LCP1: variants seen among roughly 807,000 people sequenced by gnomAD.
LCP1 encodes lymphocyte cytosolic protein 1.
A neutral mutation model predicts 72.0 loss-of-function variants in LCP1; 23 were observed. That is an observed-to-expected ratio of 0.32 (90% CI 0.23 to 0.45). The LOEUF (loss-of-function observed/expected upper bound fraction) is 0.45, where lower values mean the gene tolerates loss of function less well. Ranked by LOEUF, LCP1 falls within the 20% of genes least tolerant of loss-of-function variation. The probability of loss-of-function intolerance (pLI) is 1.00; values close to 1 mark genes in which losing one functional copy is unlikely to be tolerated. For synonymous variants in LCP1, 245 were observed against 275.4 expected (o/e 0.89, Z 1.09); for missense variants, 571 against 748.3 (o/e 0.76, Z 2.76).
chr13:46,148,652 C>T (rs371118133), intron 8 of LCP1: 34 of 506,882 alleles, frequency 6.7e-5, no homozygotes, highest in Middle Eastern at 1.2e-3. Context: ...TTAAAAGGAG[C>T]GTAACAATAA....
At chr13:46,142,495 A>G in intron 12 of LCP1, 70 bp from the exon 13 acceptor site, 1 of 1,488,284 alleles carries the variant, frequency 6.7e-7, no homozygotes, top group South Asian at 1.2e-5. Context: ...ATAAATAATA[A>G]AAATAAAGAT....
At chr13:46,133,875 T>G (rs1218975654) in intron 14 of LCP1, among the ~76,000 whole-genome samples, 3 of 152,032 alleles carry the variant, frequency 2.0e-5, no homozygotes, top group Non-Finnish European at 4.4e-5. Flanking sequence ...ATGTACCCCC[T>G]AAATCCAAAA....
At chr13:46,173,989 T>A (rs1311803179) in intron 1 of LCP1, among the ~76,000 whole-genome samples, 1 of 152,240 alleles carries the variant, frequency 6.6e-6, no homozygotes, top group Non-Finnish European at 1.5e-5. Flanking sequence ...CTCTGTCAGA[T>A]GCACCAATGC....
intron 1 of LCP1, among the ~76,000 whole-genome samples, chr13:46,163,630 A>G (rs1276937004): frequency 7.1e-6 from 1 of 141,568 alleles, no homozygotes; most frequent in Non-Finnish European, 1.5e-5. Context: ...AAGAATGATC[A>G]ATTAAAAAAA....
At chr13:46,179,390 C>A (rs1163567152) in intron 1 of LCP1, among the ~76,000 whole-genome samples, 1 of 152,126 alleles carries the variant, frequency 6.6e-6, no homozygotes, top group East Asian at 1.9e-4. Context: ...ATACTTGTGA[C>A]AAATTTTCAA....
rs116376490 is a variant in LCP1, at chr13:46,147,926, C to T, written c.978+426G>A. On this transcript the variant is annotated intron_variant, in intron 9 of 15. Transcript: ENST00000323076. The stretch of plus-strand genomic sequence containing the variant: ...TGTCATTTACTTTTACTCTACTTCT[C>T]ATTAGGAATCAGTTGACTTCAACAT... Among the ~76,000 whole-genome samples, 782 of 152,232 alleles carry T rather than the reference C, an allele frequency of 5.1e-3. 8 individuals carry two copies. The highest frequency in any genetic ancestry group is 0.017 in the African/African-American group (720 of 41,532).
chr13:46,141,398 T>A (rs1257164071), intron 13 of LCP1, among the ~76,000 whole-genome samples: 4 of 114,582 alleles, frequency 3.5e-5, no homozygotes, highest in Admixed American at 9.6e-5. Flanking sequence ...AGAGCAAGAC[T>A]CTGTCTCAAA....
At chr13:46,138,607 T>A (rs1388346028) in intron 13 of LCP1, among the ~76,000 whole-genome samples, 1 of 152,196 alleles carries the variant, frequency 6.6e-6, no homozygotes, top group Non-Finnish European at 1.5e-5. Flanking sequence ...GTTTTTCAGA[T>A]ATTATGAAAT....
intron 12 of LCP1, 48 bp from the exon 13 acceptor site, chr13:46,142,473 G>A (rs781165511): frequency 6.4e-7 from 1 of 1,572,700 alleles, no homozygotes; most frequent in Non-Finnish European, 8.7e-7. Flanking sequence ...TCTTGATTAT[G>A]ATAAATACCA....
chr13:46,162,796 G>A (rs1388983326), intron 1 of LCP1, among the ~76,000 whole-genome samples: 6 of 151,206 alleles, frequency 4.0e-5, no homozygotes, highest in East Asian at 2.0e-4. Context: ...CTGCCCCGCC[G>A]CCCCGTCTGG....
chr13:46,146,620 C>T (rs2045732386), intron 10 of LCP1, among the ~76,000 whole-genome samples: 1 of 152,138 alleles, frequency 6.6e-6, no homozygotes, highest in South Asian at 2.1e-4. Context: ...TTTTGAAACT[C>T]AGGATTTATT....
chr13:46,163,368 T>C (rs2045856878), intron 1 of LCP1, among the ~76,000 whole-genome samples: 1 of 152,210 alleles, frequency 6.6e-6, no homozygotes. Flanking sequence ...ACATGTGCTG[T>C]GTCCACTCAG....
chr13:46,175,473 G>A (rs2045924698), intron 1 of LCP1, among the ~76,000 whole-genome samples: 1 of 152,118 alleles, frequency 6.6e-6, no homozygotes, highest in Non-Finnish European at 1.5e-5. Context: ...TACCACATTT[G>A]CCTCTTTTGT....
chr13:46,152,646 C>A (rs1022993867), intron 7 of LCP1, 134 bp downstream of exon 7: 1 of 860,896 alleles, frequency 1.2e-6, no homozygotes. Context: ...GAATCTGTGA[C>A]ATGAATACCA....
In LCP1 at chr13:46,163,632, T is replaced by TA. The variant is rs1566444167; in HGVS notation, c.-24-3947_-24-3946insT. On this transcript the variant is annotated intron_variant, in intron 1 of 15. Transcript: ENST00000323076. ...GCGAGAAACACCCAAGAATGATCAATTAAAAAAAAAAAAAAAAAAACAATG... is the reference window on the plus strand; with the variant it reads ...GCGAGAAACACCCAAGAATGATCAATATAAAAAAAAAAAAAAAAAAACAATG... 6.5e-4 allele frequency among the ~76,000 whole-genome samples: 72 copies of TA among 111,320 alleles called. 2 individuals carry two copies. Among genetic ancestry groups the TA allele is most frequent in the African/African-American group, 3.2e-3 (66 of 20,602 alleles). 73.0% of individuals were successfully genotyped at this position (111,320 alleles called of 152,430 possible).
Position 46,156,467 on chromosome 13 carries a change from A to G in LCP1, c.462T>C (p.Phe154=). Residue 154 remains phenylalanine (F), a synonymous_variant, in exon 5 of 16, where the codon TTT becomes TTC. Coordinates refer to ENST00000323076, the MANE Select transcript of LCP1 (RefSeq NM_002298.5). ...GGACAATGCCATCTCCAACAGCATT[A>G]AAGAGATCATTCGTGTTTGGGTTCA... The part of the protein sequence containing the change: ...IPMNPNTNDL[F]NAVGDGIVLC... 1 of 1,614,208 alleles carries G rather than the reference A, an allele frequency of 6.2e-7. No homozygotes were observed. Among genetic ancestry groups the G allele is most frequent in the African/African-American group, 1.3e-5 (1 of 75,070 alleles).
At position 46,127,449 on chromosome 13, in the gene LCP1, C is replaced by A; in HGVS notation, c.*142G>T. The A allele has an allele frequency of 9.9e-7, 1 of 1,012,144 alleles. No homozygotes were observed. The highest frequency in any genetic ancestry group is 1.6e-5 in the African/African-American group (1 of 62,184). 62.7% of individuals were successfully genotyped at this position (1,012,144 alleles called of 1,614,324 possible). A position where few individuals can be genotyped will look rare whatever the true frequency, so the allele number is the denominator to read the frequency against. On this transcript the variant is annotated 3_prime_UTR_variant, in exon 16 of 16. Transcript: ENST00000323076. The stretch of plus-strand genomic sequence containing the variant: ...TTTTTGTTAAATACAGGAGAGGCTA[C>A]TTGGCTGCACTAATATGTGCTTTTT...
At chr13:46,129,924 G>T (rs937326109) in intron 15 of LCP1, among the ~76,000 whole-genome samples, 1 of 152,166 alleles carries the variant, frequency 6.6e-6, no homozygotes, top group Non-Finnish European at 1.5e-5. Flanking sequence ...AAGAAGTGTC[G>T]CAGAGAAACA....
At chr13:46,178,739 A>G (rs553958310) in intron 1 of LCP1, among the ~76,000 whole-genome samples, 1 of 152,336 alleles carries the variant, frequency 6.6e-6, no homozygotes, top group East Asian at 1.9e-4. Flanking sequence ...TAGCAGATAA[A>G]AAAACACTAG....
Sources: gnomAD v4.1 joint callset for allele counts (sites outside exome capture counted in the v4.1 genomes callset) on GRCh38, gnomAD v4.1.1 for gene constraint, MANE v1.5 for transcripts, NCBI Gene and HGNC (gene_info 2026-07-23, HGNC 2026-07-21) for gene names.